Variants in CNKSR2 observed in about 807,000 individuals in gnomAD.
CNKSR2 encodes the protein CNK homolog protein 2.
A neutral mutation model predicts 84.4 loss-of-function variants in CNKSR2; 14 were observed. The ratio of observed to expected loss-of-function variants is 0.17; its 90% CI spans 0.11 to 0.26. The LOEUF (loss-of-function observed/expected upper bound fraction) is 0.26. Among genes scored for constraint, CNKSR2 ranks in the 10% least tolerant of loss-of-function variants. The probability of loss-of-function intolerance (pLI) is 1.00; values close to 1 mark genes in which losing one functional copy is unlikely to be tolerated. For missense variants in CNKSR2, 485 were observed against 771.2 expected (o/e 0.63, Z 4.40); for synonymous variants, 275 against 277.9 (o/e 0.99, Z 0.10).
chrX:21,617,381 CCAGAAGATGGTAGAT>C (rs2092581811), intron 20 of CNKSR2, among the ~76,000 whole-genome samples: 1 of 111,353 alleles, frequency 9.0e-6, no homozygotes, highest in African/African-American at 3.3e-5. Context: ...TTACCAACTA[CCAGAAGATGGTAGAT>C]TATGATTTAA....
intron 11 of CNKSR2, among the ~76,000 whole-genome samples, chrX:21,539,125 C>A (rs2091954767): frequency 8.9e-6 from 1 of 112,601 alleles, no homozygotes; most frequent in African/African-American, 3.2e-5. Flanking sequence ...TTCTGGAACA[C>A]TTAAATTCAA....
At chrX:21,554,199 G>A (rs2092118018) in intron 11 of CNKSR2, among the ~76,000 whole-genome samples, 2 of 111,892 alleles carry the variant, frequency 1.8e-5, no homozygotes, top group African/African-American at 6.5e-5. Flanking sequence ...TGTTAGAAGT[G>A]CCGCATAATT....
rs757696943 is a variant in CNKSR2 at position 21,642,333 on chromosome X, G to A, written c.2693-6498G>A. On this transcript the variant is annotated intron_variant, in intron 20 of 21. Coordinates refer to ENST00000379510, the MANE Select transcript of CNKSR2 (RefSeq NM_014927.5). ...CTTATTTCTTGGCACTTGTATACAA[G>A]TGGTGTTGCCTCTTAGGGCAGGCAT... is the stretch of plus-strand genomic sequence containing the variant. 24 of 749,058 alleles carry A rather than the reference G, an allele frequency of 3.2e-5. 1 individual carries two copies. The African/African-American group carries it at 5.3e-4, about 17-fold the overall frequency. 61.7% of individuals were successfully genotyped at this position (749,058 alleles called of 1,213,427 possible). A position where few individuals can be genotyped will look rare whatever the true frequency, so the allele number is the denominator to read the frequency against.
intron 8 of CNKSR2, among the ~76,000 whole-genome samples, chrX:21,512,583 A>G (rs1366259247): frequency 9.0e-6 from 1 of 111,189 alleles, no homozygotes; most frequent in African/African-American, 3.3e-5. Flanking sequence ...GCAGAAAGAC[A>G]GGTTAGGATT....
At chrX:21,402,857 C>T (rs2146990979) in intron 1 of CNKSR2, among the ~76,000 whole-genome samples, 1 of 110,789 alleles carries the variant, frequency 9.0e-6, no homozygotes, top group Admixed American at 9.6e-5. Flanking sequence ...ATCATAAAAA[C>T]AGTATGGTGC....
intron 8 of CNKSR2, among the ~76,000 whole-genome samples, chrX:21,507,567 TAC>T (rs2091626127): frequency 9.0e-6 from 1 of 111,479 alleles, no homozygotes; most frequent in South Asian, 3.7e-4. Context: ...TATATATATA[TAC>T]GTGTGTGCTT....
At position 21,531,992 on chromosome X, in the gene CNKSR2, A is replaced by G; in HGVS notation, c.1228A>G (p.Thr410Ala). The G allele has an allele frequency of 1.7e-6, 2 of 1,202,312 alleles. No individual in the cohort carries two copies. Among genetic ancestry groups the G allele is most frequent in the Non-Finnish European group, 2.3e-6 (2 of 887,485 alleles). The change falls in exon 11 of 22, where the codon ACT becomes GCT. Residue 410 changes from threonine (T) to alanine (A), a missense_variant. Transcript: ENST00000379510. ...RKRFNIVEED[T>A]VLYCYEYEKG... ...GAGATTTAATATTGTCGAAGAAGAT[A>G]CTGTCTTATATTGCTATGAATATGA...
At chrX:21,441,040 A>G (rs966606479) in intron 4 of CNKSR2, 1 of 185,911 alleles carries the variant, frequency 5.4e-6, no homozygotes, top group African/African-American at 3.0e-5. Context: ...ACAGTGATCT[A>G]ATTACCTGAA....
At chrX:21,536,926 G>C (rs1485801433) in intron 11 of CNKSR2, among the ~76,000 whole-genome samples, 11 of 91,899 alleles carry the variant, frequency 1.2e-4, no homozygotes, top group Non-Finnish European at 1.1e-4. Flanking sequence ...TTGCTTTTCT[G>C]ATTTCTTTTT....
intron 20 of CNKSR2, chrX:21,644,883 G>C (rs1336445976): frequency 8.9e-6 from 1 of 112,099 alleles, no homozygotes; most frequent in Non-Finnish European, 1.9e-5. Flanking sequence ...TAACTAATAA[G>C]AGTGTGCAAT....
intron 1 of CNKSR2, among the ~76,000 whole-genome samples, chrX:21,411,358 T>C (rs974998785): frequency 9.0e-6 from 1 of 111,470 alleles, no homozygotes; most frequent in African/African-American, 3.3e-5. Flanking sequence ...CAAAGAAAGA[T>C]CATGTGTAGA....
intron 1 of CNKSR2, among the ~76,000 whole-genome samples, chrX:21,404,767 A>C (rs754252662): frequency 2.0e-5 from 2 of 101,898 alleles, no homozygotes; most frequent in East Asian, 6.1e-4. Flanking sequence ...CCAGCCTGGG[A>C]AACAAGAGCA....
rs1248839988 is a variant in CNKSR2 at position 21,623,118 on chromosome X, TC to T, written c.2692+13503del. 9.0e-5 allele frequency among the ~76,000 whole-genome samples: 10 copies of T among 111,456 alleles called. No homozygotes were observed. In the South Asian group the frequency reaches 1.1e-3, roughly 13 times the overall value. On this transcript the variant is annotated intron_variant, in intron 20 of 21. Coordinates refer to ENST00000379510, the MANE Select transcript of CNKSR2 (RefSeq NM_014927.5). ...TTTCTAATAGTTTGTTTTTGTTAGA[TC>T]CAAGTCCTAACCCTGATCAGCCATA...
chrX:21,469,465 C>A (rs1490507280), intron 4 of CNKSR2, among the ~76,000 whole-genome samples: 2 of 110,822 alleles, frequency 1.8e-5, no homozygotes, highest in Non-Finnish European at 3.8e-5. Flanking sequence ...GAACAACATT[C>A]CTTTTTTGTT....
intron 8 of CNKSR2, chrX:21,506,143 A>G (rs943098723): frequency 8.1e-5 from 9 of 111,563 alleles, no homozygotes; most frequent in African/African-American, 2.9e-4. Flanking sequence ...GTAAACACAC[A>G]TGTTGCTGGA....
intron 4 of CNKSR2, among the ~76,000 whole-genome samples, chrX:21,455,070 G>C (rs1426088076): frequency 8.9e-6 from 1 of 111,924 alleles, no homozygotes; most frequent in Non-Finnish European, 1.9e-5. Context: ...TATTCATGAT[G>C]ATCAAAGTAA....
At chrX:21,509,177 T>C (rs982799025) in intron 8 of CNKSR2, among the ~76,000 whole-genome samples, 3 of 112,163 alleles carry the variant, frequency 2.7e-5, no homozygotes, top group Admixed American at 9.5e-5. Context: ...AAAAAAGATA[T>C]ATGTAAATTC....
intron 20 of CNKSR2, 112 bp from the exon 21 acceptor site, chrX:21,648,719 A>T: frequency 1.7e-6 from 1 of 588,260 alleles, no homozygotes; most frequent in Non-Finnish European, 2.5e-6. Flanking sequence ...TTGATATTTT[A>T]ATAAATTTTC....
chrX:21,613,489 A>G (rs1032580975), intron 20 of CNKSR2, among the ~76,000 whole-genome samples: 6 of 112,216 alleles, frequency 5.3e-5, no homozygotes, highest in African/African-American at 1.6e-4. Flanking sequence ...TTACACGTAT[A>G]TGTAGCTTGG....
Sources: allele counts gnomAD v4.1 joint callset (sites outside exome capture counted in the v4.1 genomes callset), GRCh38; gene constraint gnomAD v4.1.1; transcripts MANE v1.5; gene names NCBI Gene and HGNC (gene_info 2026-07-23, HGNC 2026-07-21).